EXOSC8: variants seen among roughly 807,000 people sequenced by gnomAD.
EXOSC8 encodes the protein exosome component 8.
EXOSC8 carries 37 observed loss-of-function variants against 39.9 expected under a neutral mutation model. The ratio of observed to expected loss-of-function variants is 0.93; its 90% CI spans 0.71 to 1.22. The LOEUF (loss-of-function observed/expected upper bound fraction) is 1.22. Among genes scored for constraint, EXOSC8 ranks in the 50% most tolerant of loss-of-function variants. The pLI is 0.00. For missense variants in EXOSC8, 313 were observed against 326.6 expected (o/e 0.96, Z 0.32); for synonymous variants, 93 against 109.5 (o/e 0.85, Z 0.94).
chr13:37,005,954 G>A lies in EXOSC8; in HGVS notation c.273G>A (p.Ser91=), dbSNP rs771684829. 1.1e-5 allele frequency: 17 copies of A among 1,610,388 alleles called. No individual in the cohort carries two copies. The highest frequency in any genetic ancestry group is 1.4e-5 in the Non-Finnish European group (16 of 1,177,834). ...PNVDLPPLCS[S]RFRSGPPGEE... ...TGGATCTACCACCCCTGTGTTCATC[G>A]AGATTCCGGTCTGGACCTCCTGGAG... Residue 91 remains serine (S), a synonymous_variant, in exon 6 of 11, where the codon TCG becomes TCA. Transcript: ENST00000389704.
chr13:37,000,853 T>C, intron 1 of EXOSC8, 31 bp downstream of exon 1: 1 of 1,505,450 alleles, frequency 6.6e-7, no homozygotes, highest in Non-Finnish European at 8.9e-7. Flanking sequence ...GGTAGAGTTC[T>C]GTACCCTGGC....
Position 37,008,720 on chromosome 13 carries a change from T to G in EXOSC8, c.609-9T>G. 1 of 1,566,980 alleles carries G rather than the reference T, an allele frequency of 6.4e-7. No individual in the cohort carries two copies. The highest frequency in any genetic ancestry group is 8.8e-7 in the Non-Finnish European group (1 of 1,142,474). ...TGGATTGATAACTTATATTTTTTTC[T>G]TTTTATAGCACTTTGCTTATAGTTG... On this transcript the variant is annotated splice_polypyrimidine_tract_variant and intron_variant, in intron 9 of 10. Transcript: ENST00000389704.
Position 37,009,241 on chromosome 13 carries a change from G to T in EXOSC8, c.773G>T (p.Arg258Ile). 1 of 1,613,726 alleles carries T rather than the reference G, an allele frequency of 6.2e-7. No individual in the cohort carries two copies. Among genetic ancestry groups the T allele is most frequent in the Non-Finnish European group, 8.5e-7 (1 of 1,179,794 alleles). ...GACTGTATGAGCCGAGCAGTTACAA[G>T]ACACAAAGAAGTTAAAAAACTGATG... ...LQDCMSRAVT[R>I]HKEVKKLMDE... Residue 258 changes from arginine to isoleucine, a missense_variant, in exon 11 of 11, where the codon AGA becomes ATA. Arg to Ile is a moderately conservative substitution (Grantham distance 97). Transcript: ENST00000389704.
In EXOSC8 at chr13:37,000,811, G is replaced by T. The variant is rs1264548183; in HGVS notation, c.6G>T (p.Ala2=). 4 of 1,582,462 alleles carry T rather than the reference G, an allele frequency of 2.5e-6. No homozygotes were observed. Among genetic ancestry groups the T allele is most frequent in the Admixed American group, 3.6e-5 (2 of 55,670 alleles). The change falls in exon 1 of 11, where the codon GCG becomes GCT. Residue 2 remains alanine, a synonymous_variant. Transcript: ENST00000389704. The part of the protein sequence containing the change: M[A]AGFKTVEPLE... ...GCAGACGCGCGGGCGGGAAGATGGC[G>T]GCTGGGTTCAAGTGAGTGTTGGCGG...
rs1408148026 is a variant in EXOSC8 at position 37,006,134 on chromosome 13, G to A, written c.364G>A (p.Glu122Lys). The change falls in exon 7 of 11, where the codon GAG becomes AAG. Residue 122 changes from glutamate to lysine, a missense_variant. Coordinates refer to ENST00000389704, the MANE Select transcript of EXOSC8 (RefSeq NM_181503.3). Reference protein sequence around the residue: ...VIENSQIIQKEDLCISPGKLV... With the variant: ...VIENSQIIQKKDLCISPGKLV... ...ATCAAGTTCACAGATAATTCAGAAA[G>A]AGGACTTATGCATTTCTCCAGGAAA... 1 of 1,610,610 alleles carries A rather than the reference G, an allele frequency of 6.2e-7. No individual in the cohort carries two copies. Among genetic ancestry groups the A allele is most frequent in the Non-Finnish European group, 8.5e-7 (1 of 1,177,136 alleles).
rs965813069 is a variant in EXOSC8, at chr13:37,002,818, G to T, written c.119-116G>T. ...ACTTGAAATATTCATAAGCAACTGAGAGGGGTAGCAAGATAATCGTACACA... is the reference window on the plus strand; with the variant it reads ...ACTTGAAATATTCATAAGCAACTGATAGGGGTAGCAAGATAATCGTACACA... On this transcript the variant is annotated intron_variant, in intron 3 of 10. Transcript: ENST00000389704. 4 of 727,326 alleles carry T rather than the reference G, an allele frequency of 5.5e-6. No homozygotes were observed. The African/African-American group carries it at 7.1e-5, about 13-fold the overall frequency. The allele number at this position is 727,326 out of a possible 1,614,324, so 45.1% of individuals were successfully genotyped here.
chr13:37,001,486 A>T (rs1257888863), intron 1 of EXOSC8: 1 of 152,184 alleles, frequency 6.6e-6, no homozygotes, highest in Non-Finnish European at 1.5e-5. Flanking sequence ...TTCTAAAAGG[A>T]TCATGCCTCG....
chr13:37,009,413 T>G lies in EXOSC8; in HGVS notation c.*114T>G. 6 of 767,144 alleles carry G rather than the reference T, an allele frequency of 7.8e-6. No individual in the cohort carries two copies. The highest frequency in any genetic ancestry group is 1.3e-5 in the Non-Finnish European group (6 of 471,430). The allele number at this position is 767,144 out of a possible 1,614,324, so 47.5% of individuals were successfully genotyped here. On this transcript the variant is annotated 3_prime_UTR_variant, in exon 11 of 11. Transcript: ENST00000389704. ...ACATTCTTCTGAAAGATGTTTCTAT[T>G]ATTTCTTAGGTCACTTCCATATATA...
chr13:37,002,144 A>G (rs535572723), intron 1 of EXOSC8, 129 bp from the exon 2 acceptor site: 3 of 637,936 alleles, frequency 4.7e-6, no homozygotes, highest in Non-Finnish European at 8.3e-6. Context: ...TTTACTTTCT[A>G]GAATTACTTT....
At chr13:37,003,859 T>C (rs2059121404) in intron 4 of EXOSC8, 1 of 152,320 alleles carries the variant, frequency 6.6e-6, no homozygotes, top group African/African-American at 2.4e-5. Context: ...GGCTTAGTAA[T>C]TGCAGAGCAT....
At chr13:37,008,659 T>C (rs2059173780) in intron 9 of EXOSC8, 70 bp from the exon 10 acceptor site, 1 of 922,844 alleles carries the variant, frequency 1.1e-6, no homozygotes, top group African/African-American at 1.7e-5. Context: ...GGGAGGCTGA[T>C]AGTATGTTTA....
chr13:37,000,847 G>A (rs767122945), intron 1 of EXOSC8, 25 bp downstream of exon 1: 1 of 1,555,426 alleles, frequency 6.4e-7, no homozygotes, highest in South Asian at 1.2e-5. Context: ...GTGGCGGGTA[G>A]AGTTCTGTAC....
In EXOSC8 at chr13:37,004,490, T is replaced by A. The variant is rs1293458934; in HGVS notation, c.193-26T>A. The A allele has an allele frequency of 4.5e-6, 7 of 1,565,668 alleles. No individual in the cohort carries two copies. The Admixed American group carries it at 1.2e-4, about 27-fold the overall frequency. On this transcript the variant is annotated intron_variant, in intron 4 of 10. Transcript: ENST00000389704. Reference sequence around the variant, plus strand: ...ATAATTTTTCAGTAGCTTCTTTCAATAGGAAACATTTCTTTGCTACTATAG... The same window carrying A: ...ATAATTTTTCAGTAGCTTCTTTCAAAAGGAAACATTTCTTTGCTACTATAG...
intron 6 of EXOSC8, 44 bp downstream of exon 6, chr13:37,006,069 T>A: frequency 6.3e-7 from 1 of 1,582,168 alleles, no homozygotes; most frequent in Non-Finnish European, 8.7e-7. Context: ...CATTTTCAGA[T>A]AGTTTTGGGC....
chr13:37,004,422 A>C, intron 4 of EXOSC8, 94 bp from the exon 5 acceptor site: 1 of 825,428 alleles, frequency 1.2e-6, no homozygotes. Context: ...CCCTAAGCTG[A>C]TATTTGATAG....
At chr13:37,003,246 A>T (rs2059118006) in intron 4 of EXOSC8, 1 of 438,886 alleles carries the variant, frequency 2.3e-6, no homozygotes, top group South Asian at 3.4e-5. Context: ...TCACCATTTT[A>T]AAAAAATTGT....
In EXOSC8 at chr13:37,006,989, A is replaced by G. The variant is rs1454411164; in HGVS notation, c.405A>G (p.Leu135=). 3.1e-6 allele frequency: 5 copies of G among 1,608,260 alleles called. No homozygotes were observed. The highest frequency in any genetic ancestry group is 2.2e-5 in the East Asian group (1 of 44,842). The change falls in exon 8 of 11, where the codon CTA becomes CTG. Residue 135 remains leucine, a synonymous_variant. Coordinates refer to ENST00000389704, the MANE Select transcript of EXOSC8 (RefSeq NM_181503.3). The part of the protein sequence containing the change: ...CISPGKLVWV[L]YCDLICLDYD... ...TTCTATTTTAGCTTGTCTGGGTTCT[A>G]TACTGTGATCTCATTTGCCTCGACT...
At chr13:37,003,092 CTT>C (rs1026074812) in intron 4 of EXOSC8, 85 bp downstream of exon 4, 12 of 817,820 alleles carry the variant, frequency 1.5e-5, no homozygotes, top group African/African-American at 5.2e-5. Context: ...TAATTCTACT[CTT>C]GATTTGGTAG....
At chr13:37,007,312 T>G (rs1379175355) in intron 8 of EXOSC8, among the ~76,000 whole-genome samples, 1 of 152,150 alleles carries the variant, frequency 6.6e-6, no homozygotes, top group African/African-American at 2.4e-5. Flanking sequence ...GTGTTAATAT[T>G]GGTGGGAGAA....
Sources: gnomAD v4.1 joint callset for allele counts (sites outside exome capture counted in the v4.1 genomes callset) on GRCh38, gnomAD v4.1.1 for gene constraint, MANE v1.5 for transcripts, NCBI Gene and HGNC (gene_info 2026-07-23, HGNC 2026-07-21) for gene names.